Variants in DNAL1 observed in about 807,000 individuals in gnomAD.
The protein encoded by DNAL1 is dynein axonemal light chain 1.
A neutral mutation model predicts 29.4 loss-of-function variants in DNAL1; 17 were observed. The ratio of observed to expected loss-of-function variants is 0.58; its 90% CI spans 0.40 to 0.87. The LOEUF (loss-of-function observed/expected upper bound fraction) is 0.87. Ranked by LOEUF, DNAL1 falls within the 40% of genes least tolerant of loss-of-function variation. The pLI is 0.00. For missense variants in DNAL1, 188 were observed against 214.1 expected (o/e 0.88, Z 0.76); for synonymous variants, 78 against 76.3 (o/e 1.02, Z -0.12).
chr14:73,670,357 T>C (rs977210836), intron 4 of DNAL1, among the ~76,000 whole-genome samples: 2 of 152,234 alleles, frequency 1.3e-5, no homozygotes, highest in African/African-American at 4.8e-5. Flanking sequence ...TGTAATTAAT[T>C]TTAATTAAAG....
At position 73,696,098 on chromosome 14, in the gene DNAL1, T is replaced by C. The variant is rs979821001; in HGVS notation, c.*156T>C. 2 of 696,954 alleles carry C rather than the reference T, an allele frequency of 2.9e-6. No homozygotes were observed. The highest frequency in any genetic ancestry group is 3.7e-5 in the African/African-American group (2 of 54,244). The allele number at this position is 696,954 out of a possible 1,614,324, so 43.2% of individuals were successfully genotyped here. On this transcript the variant is annotated 3_prime_UTR_variant, in exon 8 of 8. Transcript: ENST00000553645. ...TCATCTTTTTTTTTCCTTTAACTTATTCAGTGTTTCTCCCCAAAACTGGTA... is the reference window on the plus strand; with the variant it reads ...TCATCTTTTTTTTTCCTTTAACTTACTCAGTGTTTCTCCCCAAAACTGGTA...
At position 73,649,577 on chromosome 14, in the gene DNAL1, C is replaced by T. The variant is rs565925192; in HGVS notation, c.3+4535C>T. Among the ~76,000 whole-genome samples, 124 of 152,178 alleles carry T rather than the reference C, an allele frequency of 8.1e-4. 1 individual carries two copies. Among genetic ancestry groups the T allele is most frequent in the African/African-American group, 2.9e-3 (119 of 41,534 alleles). Reference sequence around the variant, plus strand: ...GATTACAGGTGTGAGCCACCGCGCCCGGGCTGTTTGAGATTTCTAAAGGGA... The same window carrying T: ...GATTACAGGTGTGAGCCACCGCGCCTGGGCTGTTTGAGATTTCTAAAGGGA... On this transcript the variant is annotated intron_variant, in intron 1 of 7. Transcript: ENST00000553645.
At chr14:73,649,368 C>T (rs956874211) in intron 1 of DNAL1, among the ~76,000 whole-genome samples, 2 of 151,734 alleles carry the variant, frequency 1.3e-5, no homozygotes, top group African/African-American at 4.8e-5. Flanking sequence ...CGGCAAGCTC[C>T]GCCTCCCGGG....
At chr14:73,691,218 C>T (rs1028018267) in intron 7 of DNAL1, among the ~76,000 whole-genome samples, 15 of 152,134 alleles carry the variant, frequency 9.9e-5, no homozygotes, top group African/African-American at 3.4e-4. Context: ...AGATAATCTA[C>T]GCTAAACGTT....
chr14:73,692,373 T>C (rs2140063640), intron 7 of DNAL1, among the ~76,000 whole-genome samples: 1 of 151,976 alleles, frequency 6.6e-6, no homozygotes. Context: ...TCCCAGCTAC[T>C]TGGGAGACTG....
chr14:73,649,006 C>T (rs1891049164), intron 1 of DNAL1, among the ~76,000 whole-genome samples: 1 of 151,682 alleles, frequency 6.6e-6, no homozygotes, highest in Non-Finnish European at 1.5e-5. Context: ...GACAGAGTCT[C>T]ACTCTGTTGC....
intron 4 of DNAL1, among the ~76,000 whole-genome samples, chr14:73,669,984 TAC>T (rs35574600): frequency 0.23 from 34,587 of 150,786 alleles, 5,012 homozygotes; most frequent in Non-Finnish European, 0.33. Context: ...CACACACACA[TAC>T]ACACACACAC....
intron 7 of DNAL1, among the ~76,000 whole-genome samples, chr14:73,693,474 G>A (rs1335719468): frequency 1.3e-5 from 2 of 152,086 alleles, no homozygotes; most frequent in Non-Finnish European, 2.9e-5. Context: ...GTCATACAAT[G>A]GAATATTAAA....
At chr14:73,675,233 A>C (rs111980453) in intron 5 of DNAL1, among the ~76,000 whole-genome samples, 17 of 148,062 alleles carry the variant, frequency 1.1e-4, no homozygotes, top group Middle Eastern at 3.2e-3. Flanking sequence ...CACACACACA[A>C]ATCCTAATGA....
chr14:73,693,684 C>T (rs569429991), intron 7 of DNAL1, among the ~76,000 whole-genome samples: 2 of 152,032 alleles, frequency 1.3e-5, no homozygotes, highest in South Asian at 4.2e-4. Flanking sequence ...GCACTCCAGC[C>T]TGGGTAATAG....
At chr14:73,687,780 G>A (rs1892056196) in intron 6 of DNAL1, among the ~76,000 whole-genome samples, 1 of 152,266 alleles carries the variant, frequency 6.6e-6, no homozygotes, top group Admixed American at 6.5e-5. Context: ...GGCTGAGGCA[G>A]GAAAATGGCG....
At chr14:73,691,264 T>C (rs1892165423) in intron 7 of DNAL1, among the ~76,000 whole-genome samples, 1 of 152,188 alleles carries the variant, frequency 6.6e-6, no homozygotes. Context: ...AAATATATGT[T>C]ATTAGCTGGG....
chr14:73,689,026 G>GTTTTTTTT (rs71112794), intron 6 of DNAL1, among the ~76,000 whole-genome samples: 1 of 92,248 alleles, frequency 1.1e-5, no homozygotes, highest in Non-Finnish European at 1.9e-5. Flanking sequence ...AAAACTTGCT[G>GTTTTTTTT]TTTTTTTTTT....
chr14:73,659,030 AAT>A (rs1462707151), intron 3 of DNAL1, 74 bp downstream of exon 3: 10 of 1,076,864 alleles, frequency 9.3e-6, no homozygotes, highest in Non-Finnish European at 1.3e-5. Context: ...AAAGTAGGAA[AAT>A]ATGTTTGTTT....
chr14:73,694,237 TATAAATAAATAA>T (rs56225198), intron 7 of DNAL1, among the ~76,000 whole-genome samples: 2,119 of 128,104 alleles, frequency 0.017, 25 homozygotes, highest in Middle Eastern at 0.048. Context: ...AAGCCCTGTC[TATAAATAAATAA>T]ATAAATAAAT....
chr14:73,658,705 A>T (rs1032650543), intron 2 of DNAL1, 142 bp from the exon 3 acceptor site: 4 of 523,304 alleles, frequency 7.6e-6, no homozygotes, highest in African/African-American at 3.9e-5. Context: ...TCAATAAGTT[A>T]ATGGTAAAGA....
intron 6 of DNAL1, 123 bp downstream of exon 6, chr14:73,687,508 T>G: frequency 8.6e-7 from 1 of 1,166,284 alleles, no homozygotes; most frequent in East Asian, 2.8e-5. Context: ...GAAACATTTA[T>G]GGCTAAGCTC....
intron 4 of DNAL1, among the ~76,000 whole-genome samples, chr14:73,669,840 G>C (rs976252672): frequency 6.6e-6 from 1 of 151,982 alleles, no homozygotes; most frequent in Non-Finnish European, 1.5e-5. Flanking sequence ...CATAACATGG[G>C]GTCTTGCTTC....
At chr14:73,662,118 T>G (rs1891371244) in intron 4 of DNAL1, 76 bp downstream of exon 4, 1 of 1,272,400 alleles carries the variant, frequency 7.9e-7, no homozygotes. Context: ...CAATATGTAA[T>G]TCCAGAAGCT....
Sources: gnomAD v4.1 joint callset for allele counts (sites outside exome capture counted in the v4.1 genomes callset) on GRCh38, gnomAD v4.1.1 for gene constraint, MANE v1.5 for transcripts, NCBI Gene and HGNC (gene_info 2026-07-23, HGNC 2026-07-21) for gene names.